Variants in CIMAP3 observed in about 807,000 individuals in gnomAD.
CIMAP3 encodes ciliary microtubule associated protein 3, also known as ciliary microtubule-associated protein 3.
chr1:111,327,687 T>C, the CIMAP3 span, among the ~76,000 whole-genome samples: 9 of 152,170 alleles, frequency 5.9e-5, no homozygotes, highest in Non-Finnish European at 1.3e-4. Context: ...TTTATTTCTG[T>C]GGGATCGGTT....
chr1:111,334,357 C>T, the CIMAP3 span, among the ~76,000 whole-genome samples: 2,192 of 152,266 alleles, frequency 0.014, 45 homozygotes, highest in African/African-American at 0.048. Flanking sequence ...GGGCTTAGGG[C>T]ACCACCTGGA....
the CIMAP3 span, among the ~76,000 whole-genome samples, chr1:111,326,677 A>G: frequency 5.3e-5 from 8 of 152,238 alleles, no homozygotes; most frequent in Non-Finnish European, 8.8e-5. Context: ...ACTGTTTTCC[A>G]TAGTAGTTAT....
At chr1:111,331,990 T>A in the CIMAP3 span, among the ~76,000 whole-genome samples, 1 of 152,224 alleles carries the variant, frequency 6.6e-6, no homozygotes, top group Admixed American at 6.5e-5. Context: ...ATTTGAGAGT[T>A]TCTCAGTGGC....
chr1:111,347,637 T>TTTTGG, the CIMAP3 span: 1 of 1,189,002 alleles, frequency 8.4e-7, no homozygotes, highest in Non-Finnish European at 1.2e-6. Flanking sequence ...TTTTTTTTTT[T>TTTTGG]GGTGTTTTTG....
At chr1:111,341,221 G>T in the CIMAP3 span, among the ~76,000 whole-genome samples, 2 of 134,914 alleles carry the variant, frequency 1.5e-5, no homozygotes, top group Non-Finnish European at 3.2e-5. Flanking sequence ...GTGGGGGGAA[G>T]GGGGGAGGGA....
chr1:111,334,527 C>T, the CIMAP3 span, among the ~76,000 whole-genome samples: 1 of 152,176 alleles, frequency 6.6e-6, no homozygotes, highest in Non-Finnish European at 1.5e-5. Context: ...GGAACCATCA[C>T]CTCCCCAAAT....
chr1:111,352,502 A>G, the CIMAP3 span: 1 of 152,784 alleles, frequency 6.5e-6, no homozygotes, highest in East Asian at 1.9e-4. Flanking sequence ...GGTCTTCTGA[A>G]ATAATAATGG....
chr1:111,327,825 G>T, the CIMAP3 span, among the ~76,000 whole-genome samples: 1 of 135,314 alleles, frequency 7.4e-6, no homozygotes, highest in Non-Finnish European at 1.7e-5. Flanking sequence ...CTGATTTTTT[G>T]AATTTTTTTT....
At chr1:111,333,131 G>A in the CIMAP3 span, among the ~76,000 whole-genome samples, 3 of 152,330 alleles carry the variant, frequency 2.0e-5, no homozygotes, top group African/African-American at 7.2e-5. Context: ...TTTGGGGAAG[G>A]GTGCACAGAA....
the CIMAP3 span, chr1:111,347,618 C>CTTTTT: frequency 2.0e-3 from 1,851 of 928,520 alleles, 37 homozygotes; most frequent in African/African-American, 0.025. Flanking sequence ...GTTGTTTTTT[C>CTTTTT]TTTCTTTTTT....
At chr1:111,334,768 G>T in the CIMAP3 span, among the ~76,000 whole-genome samples, 1 of 152,120 alleles carries the variant, frequency 6.6e-6, no homozygotes, top group Non-Finnish European at 1.5e-5. Context: ...ATTCATTAGA[G>T]GCTCTCAACG....
chr1:111,350,267 G>A, the CIMAP3 span: 1 of 1,475,496 alleles, frequency 6.8e-7, no homozygotes, highest in Non-Finnish European at 9.4e-7. Context: ...ATTCGATCTA[G>A]TACTTTCATA....
chr1:111,336,608 A>G, the CIMAP3 span, among the ~76,000 whole-genome samples: 2 of 152,354 alleles, frequency 1.3e-5, no homozygotes, highest in Admixed American at 6.5e-5. Flanking sequence ...GCAATGGAAG[A>G]TGAAATGAAT....
the CIMAP3 span, chr1:111,324,888 T>A: frequency 4.1e-6 from 4 of 983,626 alleles, no homozygotes; most frequent in African/African-American, 5.2e-5. Flanking sequence ...ACTTTGGTAA[T>A]GGTAATCATG....
chr1:111,324,848 TATC>T, the CIMAP3 span: 1 of 985,344 alleles, frequency 1.0e-6, no homozygotes, highest in Non-Finnish European at 1.2e-6. Flanking sequence ...AACAAAACCA[TATC>T]ATGGATCAGA....
the CIMAP3 span, among the ~76,000 whole-genome samples, chr1:111,325,876 T>C: frequency 6.6e-6 from 1 of 152,110 alleles, no homozygotes; most frequent in Non-Finnish European, 1.5e-5. Context: ...CAAAAACCAG[T>C]ATTAGGAGAA....
chr1:111,351,661 C>A, the CIMAP3 span: 1 of 193,650 alleles, frequency 5.2e-6, no homozygotes, highest in Non-Finnish European at 1.1e-5. Context: ...TACCACTAGC[C>A]CTGGTCATAG....
the CIMAP3 span, among the ~76,000 whole-genome samples, chr1:111,334,799 G>C: frequency 6.6e-6 from 1 of 152,122 alleles, no homozygotes; most frequent in African/African-American, 2.4e-5. Flanking sequence ...TCAATGAAAG[G>C]AAAGAATCAG....
the CIMAP3 span, among the ~76,000 whole-genome samples, chr1:111,332,053 C>T: frequency 6.6e-6 from 1 of 152,074 alleles, no homozygotes; most frequent in Non-Finnish European, 1.5e-5. Flanking sequence ...AGAGTGGGCT[C>T]ACTAAGCTGT....
Sources: allele counts gnomAD v4.1 joint callset (sites outside exome capture counted in the v4.1 genomes callset), GRCh38; gene constraint gnomAD v4.1.1; transcripts MANE v1.5; gene names NCBI Gene and HGNC (gene_info 2026-07-23, HGNC 2026-07-21).